COL5A2: variants seen among roughly 807,000 people sequenced by gnomAD.
COL5A2 encodes collagen type V alpha 2 chain.
In COL5A2, 23 loss-of-function variants were observed where a neutral mutation model predicts 208.2. The ratio of observed to expected loss-of-function variants is 0.11; its 90% CI spans 0.08 to 0.16. COL5A2 has a LOEUF of 0.16. Among genes scored for constraint, COL5A2 ranks in the 10% least tolerant of loss-of-function variants. The probability of loss-of-function intolerance (pLI) is 1.00; values close to 1 mark genes in which losing one functional copy is unlikely to be tolerated. For missense variants in COL5A2, 1,590 were observed against 1,956.4 expected (o/e 0.81, Z 3.53); for synonymous variants, 625 against 628.5 (o/e 0.99, Z 0.08).
chr2:189,306,460 G>A, the COL5A2 span, among the ~76,000 whole-genome samples: 7 of 152,168 alleles, frequency 4.6e-5, no homozygotes, highest in South Asian at 6.2e-4. Flanking sequence ...CACATAACAG[G>A]ACCTATAATA....
intron 17 of COL5A2, among the ~76,000 whole-genome samples, chr2:189,073,811 T>A (rs1686337707): frequency 6.6e-6 from 1 of 152,174 alleles, no homozygotes; most frequent in Non-Finnish European, 1.5e-5. Context: ...CTTTATGTCT[T>A]GAAGCTCTTT....
chr2:189,200,933 G>C (rs1017488657), intron 1 of COL5A2, among the ~76,000 whole-genome samples: 2 of 151,864 alleles, frequency 1.3e-5, no homozygotes, highest in African/African-American at 2.4e-5. Context: ...ACTAATGTAA[G>C]TCCTTACTGG....
At chr2:189,292,379 A>G in the COL5A2 span, among the ~76,000 whole-genome samples, 1 of 152,310 alleles carries the variant, frequency 6.6e-6, no homozygotes, top group South Asian at 2.1e-4. Context: ...TGCTGCTTCC[A>G]AAAGTTGAGG....
At chr2:189,254,608 G>A in the COL5A2 span, among the ~76,000 whole-genome samples, 2 of 152,158 alleles carry the variant, frequency 1.3e-5, no homozygotes, top group Non-Finnish European at 2.9e-5. Flanking sequence ...CTAGTGCTGT[G>A]CCCCTGCCTG....
At chr2:189,319,649 G>A in the COL5A2 span, among the ~76,000 whole-genome samples, 1 of 152,250 alleles carries the variant, frequency 6.6e-6, no homozygotes, top group Non-Finnish European at 1.5e-5. Flanking sequence ...GGCTTGAGTA[G>A]GTAAACAAAG....
chr2:189,081,179 T>C, intron 12 of COL5A2, 136 bp from the exon 13 acceptor site: 1 of 707,202 alleles, frequency 1.4e-6, no homozygotes, highest in Non-Finnish European at 2.5e-6. Flanking sequence ...AAAAAAGCAG[T>C]ATACTTTTAT....
At chr2:189,114,001 C>A (rs1687336711) in intron 1 of COL5A2, among the ~76,000 whole-genome samples, 1 of 152,090 alleles carries the variant, frequency 6.6e-6, no homozygotes, top group Non-Finnish European at 1.5e-5. Flanking sequence ...AACTTCAACT[C>A]AAGGGGCAAA....
At chr2:189,266,948 G>A in the COL5A2 span, among the ~76,000 whole-genome samples, 1 of 151,084 alleles carries the variant, frequency 6.6e-6, no homozygotes, top group Non-Finnish European at 1.5e-5. Flanking sequence ...AAAAATATTT[G>A]TTATATTAAT....
the COL5A2 span, among the ~76,000 whole-genome samples, chr2:189,280,200 T>TTATG: frequency 6.6e-6 from 1 of 152,168 alleles, no homozygotes; most frequent in East Asian, 1.9e-4. Context: ...TATTATCTTA[T>TTATG]TATGGAAGCC....
At chr2:189,371,245 C>A in the COL5A2 span, among the ~76,000 whole-genome samples, 12 of 152,292 alleles carry the variant, frequency 7.9e-5, no homozygotes, top group African/African-American at 2.9e-4. Context: ...GCCAAATAAA[C>A]TTCTTTTCTT....
the COL5A2 span, among the ~76,000 whole-genome samples, chr2:189,405,397 A>C: frequency 6.6e-6 from 1 of 152,040 alleles, no homozygotes; most frequent in East Asian, 1.9e-4. Flanking sequence ...ACACCCGGCT[A>C]ATTTTTGTAT....
At chr2:189,219,873 GC>G (rs5837132) in intron 1 of COL5A2, among the ~76,000 whole-genome samples, 142,629 of 150,868 alleles carry the variant, frequency 0.95, 67,874 homozygotes, top group Non-Finnish European at 1. Context: ...CAGATAGAGT[GC>G]CCCCCCCCCA....
intron 40 of COL5A2, 120 bp from the exon 41 acceptor site, chr2:189,052,345 C>A: frequency 1.0e-6 from 1 of 957,080 alleles, no homozygotes; most frequent in South Asian, 1.4e-5. Flanking sequence ...ATGTTGTAAG[C>A]AATATTTTTT....
intron 4 of COL5A2, 78 bp downstream of exon 4, chr2:189,100,029 A>G (rs1687016039): frequency 1.6e-6 from 2 of 1,228,910 alleles, no homozygotes; most frequent in Non-Finnish European, 1.2e-6. Flanking sequence ...AAGTATGTAC[A>G]TAAGCAATAA....
At chr2:189,216,158 A>T (rs528033687) in intron 1 of COL5A2, among the ~76,000 whole-genome samples, 204 of 152,314 alleles carry the variant, frequency 1.3e-3, no homozygotes, top group African/African-American at 4.6e-3. Context: ...AAGCAAGTCA[A>T]ATTAATTGTA....
At chr2:189,052,604 A>T in intron 40 of COL5A2, 145 bp downstream of exon 40, 1 of 848,816 alleles carries the variant, frequency 1.2e-6, no homozygotes, top group Non-Finnish European at 1.9e-6. Context: ...CATCTGAGTT[A>T]AGTGCCCTTT....
chr2:189,419,022 C>T, the COL5A2 span, among the ~76,000 whole-genome samples: 1,060 of 152,252 alleles, frequency 7.0e-3, 13 homozygotes, highest in African/African-American at 0.024. Flanking sequence ...CCCAAACCCC[C>T]AAGGGTAACC....
chr2:189,422,035 G>A, the COL5A2 span, among the ~76,000 whole-genome samples: 3 of 152,056 alleles, frequency 2.0e-5, no homozygotes, highest in African/African-American at 7.3e-5. Flanking sequence ...ACTATTGGAA[G>A]GCATTCTTAG....
At chr2:189,036,518 C>G in intron 52 of COL5A2, 98 bp downstream of exon 52, 1 of 949,546 alleles carries the variant, frequency 1.1e-6, no homozygotes. Context: ...GTAAAATAAG[C>G]CTGGTTTAAA....
Sources: allele counts gnomAD v4.1 joint callset (sites outside exome capture counted in the v4.1 genomes callset), GRCh38; gene constraint gnomAD v4.1.1; transcripts MANE v1.5; gene names NCBI Gene and HGNC (gene_info 2026-07-23, HGNC 2026-07-21).